Variants in ASTN2 observed in about 807,000 individuals in gnomAD.
ASTN2 encodes the protein astrotactin-2.
ASTN2 carries 54 observed loss-of-function variants against 139.8 expected under a neutral mutation model. The observed-to-expected ratio is 0.39, with a 90% CI of 0.31 to 0.48. The LOEUF (loss-of-function observed/expected upper bound fraction) is 0.48, where lower values mean the gene tolerates loss of function less well. Among genes scored for constraint, ASTN2 ranks in the 20% least tolerant of loss-of-function variants. The probability of loss-of-function intolerance (pLI) is 0.95; values close to 1 mark genes in which losing one functional copy is unlikely to be tolerated. For synonymous variants in ASTN2, 756 were observed against 719.5 expected (o/e 1.05, Z -0.81); for missense variants, 1,565 against 1,725.1 (o/e 0.91, Z 1.64).
rs928227173 is a variant in ASTN2, at chr9:116,425,296, G to A, written c.*555C>T. 44 of 467,324 alleles carry A rather than the reference G, an allele frequency of 9.4e-5. No homozygotes were observed. The South Asian group carries it at 9.5e-4, about 10-fold the overall frequency. 28.9% of individuals were successfully genotyped at this position (467,324 alleles called of 1,614,324 possible). ...ACTCTGGGCAGACCCACAGGTAGCA[G>A]GAAGAGGCAGGGTCCCACAAACTCA... is the stretch of plus-strand genomic sequence containing the variant. On this transcript the variant is annotated 3_prime_UTR_variant, in exon 23 of 23. Coordinates refer to ENST00000313400, the MANE Select transcript of ASTN2 (RefSeq NM_001365068.1).
At chr9:117,023,582 G>A (rs952701788) in intron 6 of ASTN2, among the ~76,000 whole-genome samples, 3 of 152,118 alleles carry the variant, frequency 2.0e-5, no homozygotes, top group South Asian at 2.1e-4. Flanking sequence ...TTTGGTGTTC[G>A]TCTCCTGCTG....
intron 10 of ASTN2, among the ~76,000 whole-genome samples, chr9:116,966,790 C>G (rs1836023546): frequency 6.6e-6 from 1 of 151,896 alleles, no homozygotes; most frequent in African/African-American, 2.4e-5. Flanking sequence ...GTTACCCACA[C>G]TCTTTCCCCT....
At chr9:117,006,820 AT>A (rs1837366168) in intron 7 of ASTN2, among the ~76,000 whole-genome samples, 2 of 152,120 alleles carry the variant, frequency 1.3e-5, no homozygotes, top group Non-Finnish European at 2.9e-5. Flanking sequence ...CTAGTGCTAA[AT>A]AAACAGCACA....
chr9:116,702,566 C>T (rs991684064), intron 16 of ASTN2, among the ~76,000 whole-genome samples: 1 of 152,008 alleles, frequency 6.6e-6, no homozygotes, highest in South Asian at 2.1e-4. Context: ...AACATGGTGC[C>T]TAGTATAGAA....
intron 22 of ASTN2, among the ~76,000 whole-genome samples, chr9:116,436,744 A>T (rs1022838447): frequency 2.0e-5 from 3 of 152,118 alleles, no homozygotes; most frequent in Non-Finnish European, 2.9e-5. Context: ...ATGCTGCTAT[A>T]AAGACACATG....
chr9:116,641,909 C>T (rs1307013298), intron 17 of ASTN2, among the ~76,000 whole-genome samples: 1 of 151,996 alleles, frequency 6.6e-6, no homozygotes, highest in Non-Finnish European at 1.5e-5. Context: ...GGTTCACCTC[C>T]TTCTCAGAAT....
At chr9:116,774,534 C>T (rs762378592) in intron 13 of ASTN2, among the ~76,000 whole-genome samples, 1 of 152,102 alleles carries the variant, frequency 6.6e-6, no homozygotes, top group Non-Finnish European at 1.5e-5. Flanking sequence ...ATTTAATCCT[C>T]TTATCAGATT....
chr9:116,790,221 C>A (rs1288601657), intron 13 of ASTN2, among the ~76,000 whole-genome samples: 2 of 152,114 alleles, frequency 1.3e-5, no homozygotes, highest in African/African-American at 4.8e-5. Flanking sequence ...CCCCCACACC[C>A]GGCCTACCCT....
intron 19 of ASTN2, among the ~76,000 whole-genome samples, chr9:116,489,882 C>G (rs1054665078): frequency 2.0e-5 from 3 of 152,142 alleles, no homozygotes; most frequent in African/African-American, 7.2e-5. Context: ...GATCAAGTGT[C>G]TAAATCAGGG....
At chr9:117,010,040 A>T (rs542296059) in intron 6 of ASTN2, among the ~76,000 whole-genome samples, 2 of 152,324 alleles carry the variant, frequency 1.3e-5, no homozygotes, top group South Asian at 2.1e-4. Context: ...AAGTAAAGGC[A>T]CAGTGGACAA....
At chr9:116,872,651 C>G (rs1174191376) in intron 10 of ASTN2, among the ~76,000 whole-genome samples, 1 of 152,086 alleles carries the variant, frequency 6.6e-6, no homozygotes, top group African/African-American at 2.4e-5. Context: ...CTTGCCAGAC[C>G]TTGGAAGTAG....
intron 19 of ASTN2, among the ~76,000 whole-genome samples, chr9:116,603,293 G>A (rs1022244288): frequency 2.0e-5 from 3 of 152,178 alleles, no homozygotes; most frequent in Non-Finnish European, 4.4e-5. Flanking sequence ...TAAAAGGCAC[G>A]GCTGGAGTGG....
chr9:116,924,008 A>G (rs1834684113), intron 10 of ASTN2, among the ~76,000 whole-genome samples: 4 of 152,208 alleles, frequency 2.6e-5, no homozygotes. Flanking sequence ...AGGGGTCCCA[A>G]TCCAGAACCC....
At chr9:116,475,949 T>C (rs1848966832) in intron 20 of ASTN2, among the ~76,000 whole-genome samples, 3 of 152,220 alleles carry the variant, frequency 2.0e-5, no homozygotes, top group Admixed American at 6.5e-5. Context: ...CAGTCTGTCC[T>C]CTGTCCCAAA....
At chr9:117,289,991 G>A (rs558912653) in intron 2 of ASTN2, among the ~76,000 whole-genome samples, 5 of 152,304 alleles carry the variant, frequency 3.3e-5, no homozygotes, top group East Asian at 1.9e-4. Context: ...CACAGTGTTC[G>A]TTGAAGAGAA....
intron 10 of ASTN2, among the ~76,000 whole-genome samples, chr9:116,914,321 G>A (rs533133945): frequency 6.6e-6 from 1 of 152,042 alleles, no homozygotes; most frequent in South Asian, 2.1e-4. Context: ...TGCAAAATGG[G>A]AATAGAATAA....
chr9:117,098,635 T>C (rs556573257), intron 4 of ASTN2, among the ~76,000 whole-genome samples: 103 of 152,144 alleles, frequency 6.8e-4, no homozygotes, highest in Non-Finnish European at 9.6e-4. Context: ...TTTCAGATTC[T>C]GCCAGATGCA....
intron 18 of ASTN2, 152 bp from the exon 19 acceptor site, chr9:116,618,624 G>C: frequency 1.2e-6 from 1 of 867,226 alleles, no homozygotes; most frequent in Non-Finnish European, 1.7e-6. Context: ...CCGTAGGCAA[G>C]TTATTTCCCC....
intron 5 of ASTN2, among the ~76,000 whole-genome samples, chr9:117,070,592 T>A (rs2132707175): frequency 6.9e-6 from 1 of 143,976 alleles, no homozygotes; most frequent in East Asian, 2.0e-4. Context: ...CTGGATAATA[T>A]CCTGCAGAGT....
Sources: gnomAD v4.1 joint callset for allele counts (sites outside exome capture counted in the v4.1 genomes callset) on GRCh38, gnomAD v4.1.1 for gene constraint, MANE v1.5 for transcripts, NCBI Gene and HGNC (gene_info 2026-07-23, HGNC 2026-07-21) for gene names.